Variants in DPH6 observed in about 807,000 individuals in gnomAD.
The protein encoded by DPH6 is diphthamine biosynthesis 6.
Under a neutral mutation model 38.2 loss-of-function variants are expected in DPH6, and 33 were observed. The observed-to-expected ratio is 0.86, with a 90% CI of 0.65 to 1.15. The LOEUF (loss-of-function observed/expected upper bound fraction) is 1.15. Among genes scored for constraint, DPH6 ranks in the 50% most tolerant of loss-of-function variants. The probability of loss-of-function intolerance (pLI) is 0.00; values close to 1 mark genes in which losing one functional copy is unlikely to be tolerated. For synonymous variants in DPH6, 108 were observed against 103.0 expected (o/e 1.05, Z -0.30); for missense variants, 325 against 320.0 (o/e 1.02, Z -0.12).
intron 3 of DPH6, among the ~76,000 whole-genome samples, chr15:35,339,232 T>C (rs899952825): frequency 6.6e-6 from 1 of 151,464 alleles, no homozygotes; most frequent in African/African-American, 2.4e-5. Flanking sequence ...TAACACTGTT[T>C]TAGCTGCATC....
chr15:35,400,920 C>A (rs2053209045), intron 6 of DPH6: 5 of 1,037,442 alleles, frequency 4.8e-6, no homozygotes, highest in African/African-American at 1.6e-5. Context: ...CAAGGCCACA[C>A]AAGGTGGATG....
At chr15:35,321,999 T>C (rs539904470) in intron 3 of DPH6, among the ~76,000 whole-genome samples, 17 of 152,260 alleles carry the variant, frequency 1.1e-4, no homozygotes, top group African/African-American at 3.8e-4. Flanking sequence ...TGGGTGTTGC[T>C]GATTGGCTGG....
chr15:35,514,615 A>G (rs1375470276), intron 3 of DPH6, among the ~76,000 whole-genome samples: 1 of 152,158 alleles, frequency 6.6e-6, no homozygotes, highest in Admixed American at 6.5e-5. Context: ...CACTATGGCA[A>G]ATACCATATA....
At chr15:35,237,489 C>T in intron 3 of DPH6, 8 of 1,573,814 alleles carry the variant, frequency 5.1e-6, no homozygotes, top group Admixed American at 1.7e-5. Context: ...GTAGGCCTCA[C>T]CTCAACTGCA....
chr15:35,357,386 T>C lies in DPH6; in HGVS notation n.207+16135A>G, dbSNP rs7174189. On this transcript the variant is annotated intron_variant and non_coding_transcript_variant, in intron 3 of 3. Coordinates refer to the DPH6 transcript ENST00000558973. ...CTTCTGCGTTGCTCACACTGTGAGCTGTAGACTGGAGCTATTCCTATTTGG... is the reference window on the plus strand; with the variant it reads ...CTTCTGCGTTGCTCACACTGTGAGCCGTAGACTGGAGCTATTCCTATTTGG... 5.5e-3 allele frequency among the ~76,000 whole-genome samples: 837 copies of C among 152,372 alleles called. 9 individuals are homozygous for C. Among genetic ancestry groups the C allele is most frequent in the African/African-American group, 0.019 (770 of 41,598 alleles).
the DPH6 span, among the ~76,000 whole-genome samples, chr15:35,179,224 A>AG: frequency 6.6e-6 from 1 of 151,140 alleles, no homozygotes; most frequent in South Asian, 2.1e-4. Flanking sequence ...AAAAAAAAAA[A>AG]AAAGAAAAAA....
intron 3 of DPH6, among the ~76,000 whole-genome samples, chr15:35,323,377 C>T (rs1455493449): frequency 2.6e-5 from 4 of 151,922 alleles, no homozygotes; most frequent in African/African-American, 9.7e-5. Context: ...AGAGAGTGTG[C>T]CATTTGGGGA....
chr15:35,500,143 TATATC>T (rs1185678693), intron 3 of DPH6, among the ~76,000 whole-genome samples: 2 of 152,184 alleles, frequency 1.3e-5, no homozygotes, highest in Non-Finnish European at 2.9e-5. Flanking sequence ...AGATAATAAA[TATATC>T]AGTCCATGCT....
chr15:35,496,524 C>T (rs8028784), intron 3 of DPH6, among the ~76,000 whole-genome samples: 2,551 of 113,474 alleles, frequency 0.022, 98 homozygotes, highest in African/African-American at 0.086. Flanking sequence ...TATTGCACTC[C>T]GGCCTAGGCA....
intron 3 of DPH6, among the ~76,000 whole-genome samples, chr15:35,226,226 T>G (rs1000751435): frequency 6.6e-6 from 1 of 152,228 alleles, no homozygotes; most frequent in African/African-American, 2.4e-5. Context: ...TTCTGCAATC[T>G]GGAACAGGCA....
intron 3 of DPH6, among the ~76,000 whole-genome samples, chr15:35,358,038 G>T (rs951765031): frequency 1.3e-5 from 2 of 152,122 alleles, no homozygotes; most frequent in Non-Finnish European, 2.9e-5. Context: ...AGGTTTGGTT[G>T]TTTAATGTAA....
intron 3 of DPH6, among the ~76,000 whole-genome samples, chr15:35,256,295 C>T (rs962324945): frequency 6.6e-6 from 1 of 152,184 alleles, no homozygotes; most frequent in East Asian, 1.9e-4. Flanking sequence ...TCTCCTTAGG[C>T]TCCTTTGACG....
intron 3 of DPH6, among the ~76,000 whole-genome samples, chr15:35,531,465 T>A (rs2055086032): frequency 6.6e-6 from 1 of 152,132 alleles, no homozygotes; most frequent in Non-Finnish European, 1.5e-5. Flanking sequence ...CTGTATCCGA[T>A]AATTACATTA....
intron 3 of DPH6, among the ~76,000 whole-genome samples, chr15:35,365,578 G>T (rs148627519): frequency 1.6e-4 from 24 of 152,122 alleles, no homozygotes; most frequent in African/African-American, 5.3e-4. Context: ...AGCTAAAAAA[G>T]ACAGTCAATT....
the DPH6 span, among the ~76,000 whole-genome samples, chr15:35,203,157 A>G: frequency 1.3e-5 from 2 of 151,780 alleles, no homozygotes; most frequent in Non-Finnish European, 1.5e-5. Flanking sequence ...TATAGATATA[A>G]ATATCTTATT....
chr15:35,515,928 A>G (rs2054840410), intron 3 of DPH6, among the ~76,000 whole-genome samples: 2 of 152,070 alleles, frequency 1.3e-5, no homozygotes, highest in South Asian at 4.1e-4. Context: ...TCTTGGTGAT[A>G]CGTCCGTTTT....
chr15:35,496,094 G>A (rs1172176236), intron 3 of DPH6, among the ~76,000 whole-genome samples: 1 of 152,132 alleles, frequency 6.6e-6, no homozygotes, highest in Non-Finnish European at 1.5e-5. Flanking sequence ...CTAAAAGATA[G>A]TACAGGAGAG....
intron 3 of DPH6, among the ~76,000 whole-genome samples, chr15:35,469,674 T>C (rs895364447): frequency 2.0e-5 from 3 of 152,150 alleles, no homozygotes; most frequent in African/African-American, 4.8e-5. Flanking sequence ...GGACACTGAA[T>C]CTTATGTGCC....
chr15:35,430,960 A>G (rs1205220520), intron 5 of DPH6, among the ~76,000 whole-genome samples: 1 of 152,156 alleles, frequency 6.6e-6, no homozygotes. Context: ...GCCTGTCAAA[A>G]ACAAAAACAA....
Sources: gnomAD v4.1 joint callset for allele counts (sites outside exome capture counted in the v4.1 genomes callset) on GRCh38, gnomAD v4.1.1 for gene constraint, MANE v1.5 for transcripts, NCBI Gene and HGNC (gene_info 2026-07-23, HGNC 2026-07-21) for gene names.